Variants in POGZ observed in about 807,000 individuals in gnomAD.
POGZ encodes the protein pogo transposable element derived with ZNF domain, also known as pogo transposable element with ZNF domain.
A neutral mutation model predicts 134.6 loss-of-function variants in POGZ; 17 were observed. That is an observed-to-expected ratio of 0.13 (90% CI 0.09 to 0.19). POGZ has a LOEUF of 0.19. Ranked by LOEUF, POGZ falls within the 10% of genes least tolerant of loss-of-function variation. The pLI is 1.00. For synonymous variants in POGZ, 693 were observed against 657.1 expected (o/e 1.05, Z -0.84); for missense variants, 1,306 against 1,769.7 (o/e 0.74, Z 4.70).
At position 151,408,081 on chromosome 1, in the gene POGZ, T is replaced by A. The variant is rs1401199144; in HGVS notation, c.2375+19A>T. 6.3e-7 allele frequency: 1 copy of A among 1,581,746 alleles called. No individual in the cohort carries two copies. The highest frequency in any genetic ancestry group is 1.4e-5 in the African/African-American group (1 of 72,370). On this transcript the variant is annotated intron_variant, in intron 15 of 18. Coordinates refer to ENST00000271715, the MANE Select transcript of POGZ (RefSeq NM_015100.4). ...AATCTGAACTCTCAAGCTAAAACAC[T>A]GGTTAAAAACCAACTTACTTGATCA...
rs148085381 is a variant in POGZ, at chr1:151,412,178, T to C, written c.1779+118A>G. 84 of 607,728 alleles carry C rather than the reference T, an allele frequency of 1.4e-4. No individual in the cohort carries two copies. In the African/African-American group the frequency reaches 1.5e-3, roughly 11 times the overall value. The allele number at this position is 607,728 out of a possible 1,614,324, so 37.6% of individuals were successfully genotyped here. On this transcript the variant is annotated intron_variant, in intron 11 of 18. Transcript: ENST00000271715. ...CTGTGTTTACTATTTCTTCTGTACC[T>C]ACTCAGAGTTCCTAAACTGAGTGTA...
intron 12 of POGZ, among the ~76,000 whole-genome samples, chr1:151,410,996 A>G (rs543248993): frequency 6.6e-6 from 1 of 152,318 alleles, no homozygotes; most frequent in East Asian, 1.9e-4. Context: ...AAACTACTGA[A>G]AAAGGCCTTC....
At chr1:151,412,262 A>C in intron 11 of POGZ, 34 bp downstream of exon 11, 1 of 1,194,254 alleles carries the variant, frequency 8.4e-7, no homozygotes, top group African/African-American at 1.5e-5. Context: ...CTGAGGGCAA[A>C]ACTGCTAAAA....
At chr1:151,453,886 T>C (rs886799728) in intron 1 of POGZ, among the ~76,000 whole-genome samples, 1 of 152,204 alleles carries the variant, frequency 6.6e-6, no homozygotes, top group African/African-American at 2.4e-5. Context: ...TTTAAAACAA[T>C]ATACTATTTA....
intron 1 of POGZ, among the ~76,000 whole-genome samples, chr1:151,442,955 G>A (rs889091606): frequency 1.3e-5 from 2 of 149,760 alleles, no homozygotes; most frequent in African/African-American, 2.5e-5. Context: ...CTTGAACCCC[G>A]GGCAGCAGAG....
At chr1:151,443,634 A>T (rs560935578) in intron 1 of POGZ, among the ~76,000 whole-genome samples, 7 of 152,280 alleles carry the variant, frequency 4.6e-5, no homozygotes, top group African/African-American at 1.7e-4. Context: ...GAATCGCTTG[A>T]ACATGGGAGT....
chr1:151,429,488 T>C (rs1379203459), intron 5 of POGZ, 115 bp downstream of exon 5: 4 of 474,868 alleles, frequency 8.4e-6, no homozygotes, highest in Non-Finnish European at 1.5e-5. Context: ...TTAATATTTT[T>C]ATATTTTTAG....
At chr1:151,443,471 G>A (rs1183544037) in intron 1 of POGZ, among the ~76,000 whole-genome samples, 1 of 152,186 alleles carries the variant, frequency 6.6e-6, no homozygotes, top group African/African-American at 2.4e-5. Flanking sequence ...AGGCCGAGGT[G>A]GGCGGATCAC....
chr1:151,438,463 G>A (rs1659989480), intron 3 of POGZ, among the ~76,000 whole-genome samples: 1 of 151,982 alleles, frequency 6.6e-6, no homozygotes, highest in African/African-American at 2.4e-5. Context: ...GGCTTTTGAA[G>A]TAAATAAAGT....
chr1:151,407,137 A>T (rs1470008381), intron 16 of POGZ, 98 bp downstream of exon 16: 4 of 1,234,220 alleles, frequency 3.2e-6, no homozygotes, highest in Non-Finnish European at 4.7e-6. Flanking sequence ...CCTTTTTCTG[A>T]AATTAATTCA....
chr1:151,457,756 G>A (rs1398396162), intron 1 of POGZ, among the ~76,000 whole-genome samples: 3 of 152,018 alleles, frequency 2.0e-5, no homozygotes, highest in African/African-American at 7.2e-5. Context: ...GTGAAACCTC[G>A]TCCCTACTAA....
chr1:151,406,145 T>TACC lies in POGZ; in HGVS notation c.2887_2889dup (p.Gly963dup), dbSNP rs1557866667. ...TGCTCCTTTTTGCCAACTCCACCAC[T>TACC]ACCACCACCACCTGATGCTAGCTCA... is the stretch of plus-strand genomic sequence containing the variant. On this transcript the variant is annotated inframe_insertion, in exon 19 of 19. Transcript: ENST00000271715. 1 of 1,614,186 alleles carries TACC rather than the reference T, an allele frequency of 6.2e-7. No homozygotes were observed. Among genetic ancestry groups the TACC allele is most frequent in the Admixed American group, 1.7e-5 (1 of 60,032 alleles).
In POGZ at chr1:151,404,769, C is replaced by A. The variant is rs769125530; in HGVS notation, c.*33G>T. ...CTTTACCCTCCCTCACATGTTCCCA[C>A]CCTCACTCCACACCCCCTCATGACC... On this transcript the variant is annotated 3_prime_UTR_variant, in exon 19 of 19. Transcript: ENST00000271715. 2 of 1,556,998 alleles carry A rather than the reference C, an allele frequency of 1.3e-6. No homozygotes were observed. Among genetic ancestry groups the A allele is most frequent in the Admixed American group, 1.9e-5 (1 of 53,066 alleles).
In POGZ at chr1:151,404,785, C is replaced by G; in HGVS notation, c.*17G>C. The G allele has an allele frequency of 1.9e-6, 3 of 1,579,450 alleles. No homozygotes were observed. On this transcript the variant is annotated 3_prime_UTR_variant, in exon 19 of 19. Coordinates refer to ENST00000271715, the MANE Select transcript of POGZ (RefSeq NM_015100.4). ...ATGTTCCCACCCTCACTCCACACCC[C>G]CTCATGACCCCAACACTCAAATCTC...
rs879930926 is a variant in POGZ, at chr1:151,428,189, T to C, written c.793A>G (p.Thr265Ala). Residue 265 changes from threonine to alanine, a missense_variant, in exon 6 of 19, where the codon ACC (threonine) becomes GCC (alanine). Transcript: ENST00000271715. ...TSTTPTATQP[T>A]SLGQLAVQSP... The stretch of plus-strand genomic sequence containing the variant: ...TGAACAGCTAGTTGCCCCAGTGAGG[T>C]TGGCTGTGTGGCAGTGGGAGTGGTA... 1.7e-5 allele frequency: 28 copies of C among 1,613,966 alleles called. No individual in the cohort carries two copies. The highest frequency in any genetic ancestry group is 6.7e-5 in the African/African-American group (5 of 74,880).
At chr1:151,450,139 C>A (rs1661866834) in intron 1 of POGZ, among the ~76,000 whole-genome samples, 1 of 141,410 alleles carries the variant, frequency 7.1e-6, no homozygotes, top group African/African-American at 2.6e-5. Context: ...ACAAGTAATT[C>A]TCCTGTTTCA....
chr1:151,452,235 A>C (rs1315068541), intron 1 of POGZ, among the ~76,000 whole-genome samples: 2 of 151,930 alleles, frequency 1.3e-5, no homozygotes, highest in African/African-American at 4.8e-5. Flanking sequence ...TTTTAAACAG[A>C]AAGGATAATC....
At chr1:151,406,582 A>T in intron 18 of POGZ, 25 bp downstream of exon 18, 1 of 1,606,742 alleles carries the variant, frequency 6.2e-7, no homozygotes, top group Non-Finnish European at 8.5e-7. Context: ...ACCAGAAATT[A>T]AATTGTGAGG....
intron 5 of POGZ, among the ~76,000 whole-genome samples, chr1:151,428,643 A>G (rs1274231413): frequency 6.6e-6 from 1 of 152,224 alleles, no homozygotes; most frequent in Non-Finnish European, 1.5e-5. Flanking sequence ...AACTCCTCCT[A>G]AAACACCTTA....
Sources: gnomAD v4.1 joint callset for allele counts (sites outside exome capture counted in the v4.1 genomes callset) on GRCh38, gnomAD v4.1.1 for gene constraint, MANE v1.5 for transcripts, NCBI Gene and HGNC (gene_info 2026-07-23, HGNC 2026-07-21) for gene names.